SLC8A1: variants seen among roughly 807,000 people sequenced by gnomAD.
SLC8A1 encodes the protein solute carrier family 8 member A1, also known as sodium/calcium exchanger 1.
In SLC8A1, 18 loss-of-function variants were observed where a neutral mutation model predicts 68.3. The ratio of observed to expected loss-of-function variants is 0.26; its 90% CI spans 0.18 to 0.39. The LOEUF (loss-of-function observed/expected upper bound fraction) is 0.39, where lower values mean the gene tolerates loss of function less well. Among genes scored for constraint, SLC8A1 ranks in the 10% least tolerant of loss-of-function variants. The pLI is 1.00. For missense variants in SLC8A1, 985 were observed against 1,156.7 expected, an observed-to-expected ratio of 0.85 and a Z score of 2.15; for synonymous variants, 475 against 415.5, an observed-to-expected ratio of 1.14 and a Z score of -1.74.
chr2:40,172,915 C>T (rs949802260), intron 4 of SLC8A1, among the ~76,000 whole-genome samples: 19 of 152,118 alleles, frequency 1.2e-4, no homozygotes, highest in Non-Finnish European at 1.6e-4. Flanking sequence ...GTACTCCAGC[C>T]TGGCAACAGA....
chr2:40,288,847 A>G (rs901226307), intron 2 of SLC8A1, among the ~76,000 whole-genome samples: 2 of 140,108 alleles, frequency 1.4e-5, no homozygotes, highest in Admixed American at 7.2e-5. Flanking sequence ...ATATATATAT[A>G]TATATGTATA....
intron 1 of SLC8A1, among the ~76,000 whole-genome samples, chr2:40,503,038 C>T (rs1003410560): frequency 1.3e-5 from 2 of 151,926 alleles, no homozygotes; most frequent in Non-Finnish European, 2.9e-5. Context: ...GAGAATGGTT[C>T]TGTTTCTTGA....
Position 40,268,129 on chromosome 2 carries a change from C to T in SLC8A1, c.1809-90274G>A, listed in dbSNP as rs1416781183. 2.6e-5 allele frequency among the ~76,000 whole-genome samples: 4 copies of T among 152,158 alleles called. No homozygotes were observed. The East Asian group carries it at 5.8e-4, about 22-fold the overall frequency. Reference sequence around the variant, plus strand: ...TCAAAAGTTAGGAGATATAAAGTGACTTTCTCCACAGTGAAGAGCCAGAAT... The same window carrying T: ...TCAAAAGTTAGGAGATATAAAGTGATTTTCTCCACAGTGAAGAGCCAGAAT... On this transcript the variant is annotated intron_variant, in intron 2 of 7. Transcript: ENST00000406785.
In SLC8A1 at chr2:40,200,251, T is replaced by TAAATAA. The variant is rs1317335960; in HGVS notation, c.1809-22397_1809-22396insTTATTT. Among the ~76,000 whole-genome samples the TAAATAA allele has an allele frequency of 3.6e-3, 250 of 68,506 alleles. 43 individuals carry two copies. The highest frequency in any genetic ancestry group is 5.5e-3 in the Non-Finnish European group (195 of 35,716). 44.9% of individuals were successfully genotyped at this position (68,506 alleles called of 152,430 possible). A position where few individuals can be genotyped will look rare whatever the true frequency, so the allele number is the denominator to read the frequency against. On this transcript the variant is annotated intron_variant, in intron 2 of 7. Coordinates refer to ENST00000406785, the Ensembl canonical transcript of SLC8A1. ...ATATATATATATAAATATATATATA[T>TAAATAA]ATATATATATATATATAACCTCTTT...
intron 2 of SLC8A1, among the ~76,000 whole-genome samples, chr2:40,199,824 C>T (rs1330153102): frequency 6.6e-6 from 1 of 151,414 alleles, no homozygotes; most frequent in Non-Finnish European, 1.5e-5. Context: ...TTAGTTTTAA[C>T]AGGGGAACCA....
At chr2:40,395,583 G>A (rs984762171) in intron 2 of SLC8A1, among the ~76,000 whole-genome samples, 6 of 152,118 alleles carry the variant, frequency 3.9e-5, no homozygotes, top group African/African-American at 1.4e-4. Context: ...GAGCAAGACA[G>A]CACAGAGGTT....
Position 40,357,497 on chromosome 2 carries a change from T to TAAG in SLC8A1, c.1808+70975_1808+70976insCTT, listed in dbSNP as rs1553532570. 1.9e-4 allele frequency among the ~76,000 whole-genome samples: 22 copies of TAAG among 115,494 alleles called. No individual in the cohort carries two copies. The East Asian group carries it at 5.4e-3, about 28-fold the overall frequency. 75.8% of individuals were successfully genotyped at this position (115,494 alleles called of 152,430 possible). Reference sequence around the variant, plus strand: ...GGGCAACAGAGCCAGACCCTGTCTTTAAAAAAAAAAAAAAAAAAAACACAA... The same window carrying TAAG: ...GGGCAACAGAGCCAGACCCTGTCTTTAAGAAAAAAAAAAAAAAAAAAAACACAA... On this transcript the variant is annotated intron_variant, in intron 2 of 7. Transcript: ENST00000406785.
chr2:40,211,422 G>C (rs1197184536), intron 2 of SLC8A1, among the ~76,000 whole-genome samples: 2 of 152,172 alleles, frequency 1.3e-5, no homozygotes, highest in Non-Finnish European at 2.9e-5. Context: ...AAAATGATTA[G>C]AGCTAAAGGT....
At chr2:40,428,573 C>T in exon 2 of SLC8A1, 2 of 1,613,874 alleles carry the variant, frequency 1.2e-6, no homozygotes, top group Non-Finnish European at 1.7e-6. Flanking sequence ...GGAACGATAA[C>T]ATTTCCTCGA....
At chr2:40,174,828 T>C in exon 4 of SLC8A1, 1 of 1,609,764 alleles carries the variant, frequency 6.2e-7, no homozygotes, top group Non-Finnish European at 8.5e-7. Flanking sequence ...TTCATACCTG[T>C]TATTGTGAAG....
At chr2:40,267,751 C>T (rs534058409) in intron 2 of SLC8A1, among the ~76,000 whole-genome samples, 2 of 152,228 alleles carry the variant, frequency 1.3e-5, no homozygotes, top group South Asian at 4.1e-4. Context: ...CATAATTCTA[C>T]AAGGTAGATA....
intron 7 of SLC8A1, among the ~76,000 whole-genome samples, chr2:40,132,205 C>T (rs576106859): frequency 6.6e-6 from 1 of 151,874 alleles, no homozygotes; most frequent in East Asian, 1.9e-4. Flanking sequence ...AAAAATAAGT[C>T]CAAGATGGCA....
intron 2 of SLC8A1, among the ~76,000 whole-genome samples, chr2:40,403,092 C>T (rs1474701772): frequency 1.3e-5 from 2 of 152,156 alleles, no homozygotes; most frequent in African/African-American, 4.8e-5. Context: ...ACGAACACCA[C>T]ATGAAACAAT....
intron 2 of SLC8A1, among the ~76,000 whole-genome samples, chr2:40,340,184 T>C (rs1667245386): frequency 6.6e-6 from 1 of 152,332 alleles, no homozygotes; most frequent in South Asian, 2.1e-4. Context: ...CTGATCACCA[T>C]GGAACCTCTG....
chr2:40,483,169 T>G (rs1704751388), intron 1 of SLC8A1, among the ~76,000 whole-genome samples: 1 of 151,514 alleles, frequency 6.6e-6, no homozygotes, highest in Non-Finnish European at 1.5e-5. Context: ...ATACAATAAT[T>G]AGCTGAACAT....
At chr2:40,117,392 C>CAAA (rs70957144) in intron 7 of SLC8A1, among the ~76,000 whole-genome samples, 2 of 58,744 alleles carry the variant, frequency 3.4e-5, no homozygotes, top group African/African-American at 7.5e-5. Flanking sequence ...ACTAAAAATA[C>CAAA]AAAAAAAAAA....
intron 2 of SLC8A1, among the ~76,000 whole-genome samples, chr2:40,394,128 T>C (rs1264523193): frequency 6.6e-6 from 1 of 152,044 alleles, no homozygotes; most frequent in Non-Finnish European, 1.5e-5. Context: ...CAAAGAAGAA[T>C]GACCTGGGCT....
At chr2:40,312,572 T>C (rs1017544521) in intron 2 of SLC8A1, among the ~76,000 whole-genome samples, 1 of 152,138 alleles carries the variant, frequency 6.6e-6, no homozygotes, top group Non-Finnish European at 1.5e-5. Flanking sequence ...GGTATAAATA[T>C]GTATATGGAA....
intron 2 of SLC8A1, among the ~76,000 whole-genome samples, chr2:40,184,782 G>A (rs1329788664): frequency 4.6e-5 from 7 of 151,164 alleles, no homozygotes; most frequent in African/African-American, 1.7e-4. Context: ...GACCACGCAT[G>A]AACCTGGCAA....
Sources: allele counts gnomAD v4.1 joint callset (sites outside exome capture counted in the v4.1 genomes callset), GRCh38; gene constraint gnomAD v4.1.1; transcripts MANE v1.5; gene names NCBI Gene and HGNC (gene_info 2026-07-23, HGNC 2026-07-21).